Variants in PRKN observed in about 807,000 individuals in gnomAD.
PRKN encodes parkin RBR E3 ubiquitin protein ligase, also known as E3 ubiquitin-protein ligase parkin.
In PRKN, 56 loss-of-function variants were observed where a neutral mutation model predicts 59.5. That is an observed-to-expected ratio of 0.94 (90% CI 0.76 to 1.18). The LOEUF (loss-of-function observed/expected upper bound fraction) is 1.18, where lower values mean the gene tolerates loss of function less well. PRKN is among the 50% of genes most tolerant of loss of function. The pLI is 0.00. For missense variants in PRKN, 657 were observed against 596.4 expected (o/e 1.10, Z -1.06); for synonymous variants, 250 against 222.1 (o/e 1.13, Z -1.12).
rs552968494 is a variant in PRKN, at chr6:162,065,729, C to T, written c.535-11555G>A. Among the ~76,000 whole-genome samples, 17 of 152,266 alleles carry T rather than the reference C, an allele frequency of 1.1e-4. No individual in the cohort carries two copies. In the Middle Eastern group the frequency reaches 0.02, roughly 183 times the overall value. On this transcript the variant is annotated intron_variant, in intron 4 of 11. Transcript: ENST00000366898. ...ATGCCATCCCTCCCCCAGCCCTCCA[C>T]CCCATGGCAGGCCCCAGTATGTGAT...
chr6:161,892,054 A>C (rs567143349), intron 6 of PRKN, among the ~76,000 whole-genome samples: 14 of 152,316 alleles, frequency 9.2e-5, no homozygotes, highest in Non-Finnish European at 1.8e-4. Flanking sequence ...TTCAAGAAGC[A>C]AATTTTTTGA....
chr6:162,305,629 A>T (rs115114420), intron 2 of PRKN, among the ~76,000 whole-genome samples: 3,965 of 152,212 alleles, frequency 0.026, 161 homozygotes, highest in African/African-American at 0.088. Flanking sequence ...TTATAAGAAA[A>T]ATGTTTTGGT....
chr6:161,609,786 G>C (rs1333860201), intron 7 of PRKN, among the ~76,000 whole-genome samples: 2 of 152,188 alleles, frequency 1.3e-5, no homozygotes, highest in African/African-American at 4.8e-5. Flanking sequence ...GACTCAGCTT[G>C]GGGAGTCGCA....
intron 9 of PRKN, among the ~76,000 whole-genome samples, chr6:161,535,519 T>A (rs1052965628): frequency 6.6e-6 from 1 of 152,206 alleles, no homozygotes; most frequent in Non-Finnish European, 1.5e-5. Context: ...CCGCTCATCA[T>A]CCATTTGCCC....
chr6:161,528,273 GAT>G (rs750585481), intron 9 of PRKN, among the ~76,000 whole-genome samples: 68 of 152,262 alleles, frequency 4.5e-4, no homozygotes, highest in Admixed American at 8.5e-4. Flanking sequence ...AATATCTCCT[GAT>G]ATGTTAAAGA....
At position 162,345,827 on chromosome 6, in the gene PRKN, T is replaced by C. The variant is rs1784378845; in HGVS notation, c.172-83062A>G. Among the ~76,000 whole-genome samples, 4 of 151,862 alleles carry C rather than the reference T, an allele frequency of 2.6e-5. 1 individual carries two copies. In the South Asian group the frequency reaches 8.3e-4, roughly 31 times the overall value. Reference sequence around the variant, plus strand: ...CTTACTTTCCAACCTTGAAACTTGCTATGTTTTGAATGTGTCCCTCAAATT... The same window carrying C: ...CTTACTTTCCAACCTTGAAACTTGCCATGTTTTGAATGTGTCCCTCAAATT... On this transcript the variant is annotated intron_variant, in intron 2 of 11. Coordinates refer to ENST00000366898, the MANE Select transcript of PRKN (RefSeq NM_004562.3).
At chr6:161,626,162 C>T (rs1783076021) in intron 7 of PRKN, among the ~76,000 whole-genome samples, 1 of 152,184 alleles carries the variant, frequency 6.6e-6, no homozygotes, top group African/African-American at 2.4e-5. Context: ...CAGGACAGGG[C>T]AGGCTCCAAC....
At chr6:161,580,748 G>A (rs141605345) in intron 7 of PRKN, among the ~76,000 whole-genome samples, 4 of 151,974 alleles carry the variant, frequency 2.6e-5, no homozygotes, top group Admixed American at 1.3e-4. Context: ...AAAGTGCTGC[G>A]ATTACAGGTG....
At position 161,551,590 on chromosome 6, in the gene PRKN, C is replaced by A. The variant is rs1269516403; in HGVS notation, c.934-2587G>T. ...TGGTTGGAGCTGGGTGTGTGGCTGC[C>A]ATTGCGGTCTTGAAAAGTCATTTCA... On this transcript the variant is annotated intron_variant, in intron 8 of 11. Coordinates refer to ENST00000366898, the MANE Select transcript of PRKN (RefSeq NM_004562.3). This position sits in a 1 kb window ranked among gnomAD's most constrained non-coding sequence, Gnocchi z 5.2. 6.6e-6 allele frequency among the ~76,000 whole-genome samples: 1 copy of A among 152,136 alleles called. No homozygotes were observed. Among genetic ancestry groups the A allele is most frequent in the Non-Finnish European group, 1.5e-5 (1 of 68,036 alleles).
At chr6:161,746,318 G>A (rs1788411446) in intron 7 of PRKN, among the ~76,000 whole-genome samples, 1 of 151,910 alleles carries the variant, frequency 6.6e-6, no homozygotes, top group Non-Finnish European at 1.5e-5. Flanking sequence ...ACTTCCCAGA[G>A]ACCCAGCTGT....
At chr6:162,664,229 T>A (rs1779009358) in intron 1 of PRKN, among the ~76,000 whole-genome samples, 1 of 152,154 alleles carries the variant, frequency 6.6e-6, no homozygotes, top group Non-Finnish European at 1.5e-5. Context: ...GATTTCATTC[T>A]TTTTTATGGC....
At chr6:162,309,842 T>C (rs987965021) in intron 2 of PRKN, among the ~76,000 whole-genome samples, 2 of 152,248 alleles carry the variant, frequency 1.3e-5, no homozygotes, top group South Asian at 2.1e-4. Context: ...TAGTTATTTT[T>C]CTTGATAATC....
At chr6:161,504,795 A>G (rs1489154186) in intron 9 of PRKN, among the ~76,000 whole-genome samples, 1 of 150,632 alleles carries the variant, frequency 6.6e-6, no homozygotes, top group East Asian at 2.0e-4. Context: ...TGTTCTTGCG[A>G]TAGTTTACTG....
At chr6:161,383,987 G>T (rs1462084432) in intron 10 of PRKN, among the ~76,000 whole-genome samples, 2 of 152,202 alleles carry the variant, frequency 1.3e-5, no homozygotes, top group African/African-American at 4.8e-5. Context: ...CTGGCCCTGT[G>T]ATCAGGAACC....
intron 2 of PRKN, among the ~76,000 whole-genome samples, chr6:162,378,006 G>T (rs865870519): frequency 6.6e-6 from 1 of 152,114 alleles, no homozygotes; most frequent in African/African-American, 2.4e-5. Flanking sequence ...TGTGGGCATC[G>T]TTCACTCCCT....
At chr6:162,543,570 G>C (rs1368415065) in intron 1 of PRKN, among the ~76,000 whole-genome samples, 1 of 152,008 alleles carries the variant, frequency 6.6e-6, no homozygotes, top group Non-Finnish European at 1.5e-5. Flanking sequence ...CAGTCAGCTC[G>C]GCAAAACAAA....
intron 7 of PRKN, among the ~76,000 whole-genome samples, chr6:161,573,797 A>G (rs1977115): frequency 2.5e-4 from 17 of 67,830 alleles, no homozygotes; most frequent in Non-Finnish European, 3.1e-4. Context: ...TATATATATA[A>G]AACTTCATTC....
intron 2 of PRKN, among the ~76,000 whole-genome samples, chr6:162,422,815 G>A (rs1446301447): frequency 1.3e-5 from 2 of 151,862 alleles, no homozygotes; most frequent in African/African-American, 4.8e-5. Context: ...ACATGATGGC[G>A]TGCACCAGTA....
intron 4 of PRKN, among the ~76,000 whole-genome samples, chr6:162,136,240 C>A (rs1476256779): frequency 6.6e-6 from 1 of 151,828 alleles, no homozygotes; most frequent in African/African-American, 2.4e-5. Context: ...CACACAGGAA[C>A]AGGAAAAGGA....
Sources: gnomAD v4.1 joint callset for allele counts (sites outside exome capture counted in the v4.1 genomes callset) on GRCh38, gnomAD v4.1.1 for gene constraint, Gnocchi (gnomAD v3.1) non-coding constraint, MANE v1.5 for transcripts, NCBI Gene and HGNC (gene_info 2026-07-23, HGNC 2026-07-21) for gene names.